The following ACER3 variants were observed in gnomAD, a reference collection of about 807,000 sequenced individuals.
The protein encoded by ACER3 is alkCDase 3.
In ACER3, 16 loss-of-function variants were observed where a neutral mutation model predicts 48.9. The ratio of observed to expected loss-of-function variants is 0.33; its 90% CI spans 0.22 to 0.50. The LOEUF (loss-of-function observed/expected upper bound fraction) is 0.50. ACER3 is among the 20% of genes least tolerant of loss of function. The pLI is 0.98. For synonymous variants in ACER3, 109 were observed against 107.8 expected, an observed-to-expected ratio of 1.01 and a Z score of -0.07; for missense variants, 227 against 326.0, an observed-to-expected ratio of 0.70 and a Z score of 2.34.
chr11:76,955,694 A>C (rs1293667249), intron 2 of ACER3: 1 of 152,306 alleles, frequency 6.6e-6, no homozygotes, highest in African/African-American at 2.4e-5. Flanking sequence ...ATTAACTCCC[A>C]AAGGTCTCAC....
chr11:76,902,529 A>G (rs759877517), intron 1 of ACER3, among the ~76,000 whole-genome samples: 2 of 152,216 alleles, frequency 1.3e-5, no homozygotes, highest in East Asian at 1.9e-4. Context: ...ATGGTTGGCA[A>G]CCGCAGCTGC....
intron 6 of ACER3, among the ~76,000 whole-genome samples, chr11:76,993,018 A>G (rs898271049): frequency 6.6e-6 from 1 of 151,950 alleles, no homozygotes; most frequent in Non-Finnish European, 1.5e-5. Flanking sequence ...ACAGGCACAC[A>G]CCACTACAAC....
At chr11:76,929,801 G>C (rs1398145807) in intron 2 of ACER3, among the ~76,000 whole-genome samples, 1 of 152,148 alleles carries the variant, frequency 6.6e-6, no homozygotes, top group Non-Finnish European at 1.5e-5. Context: ...AACCAGTCTT[G>C]CATCCCAGGG....
chr11:76,985,811 A>T (rs1448193552), intron 5 of ACER3, 87 bp downstream of exon 5: 1 of 713,772 alleles, frequency 1.4e-6, no homozygotes, highest in Non-Finnish European at 2.1e-6. Context: ...TATTTGCTTC[A>T]TGCTGTCAAA....
intron 7 of ACER3, among the ~76,000 whole-genome samples, chr11:77,011,528 G>T (rs192012902): frequency 2.6e-5 from 4 of 152,210 alleles, no homozygotes; most frequent in Admixed American, 2.0e-4. Flanking sequence ...TCAAATGGGG[G>T]CTATGATAAA....
intron 2 of ACER3, among the ~76,000 whole-genome samples, chr11:76,932,044 G>A (rs1947013933): frequency 6.6e-6 from 1 of 150,770 alleles, no homozygotes; most frequent in Admixed American, 6.6e-5. Flanking sequence ...AACCTCCCAG[G>A]TGCAAGCGAT....
intron 1 of ACER3, among the ~76,000 whole-genome samples, chr11:76,885,416 C>T (rs1945647189): frequency 6.6e-6 from 1 of 152,094 alleles, no homozygotes; most frequent in Non-Finnish European, 1.5e-5. Flanking sequence ...GCCCCGCATG[C>T]CTTAGGTATT....
chr11:76,951,685 G>A (rs144354909), intron 2 of ACER3, among the ~76,000 whole-genome samples: 157 of 152,286 alleles, frequency 1.0e-3, no homozygotes, highest in African/African-American at 3.7e-3. Context: ...AAAAAAATCA[G>A]CCATTCAGCA....
chr11:77,020,789 G>A lies in ACER3; in HGVS notation c.*462G>A, dbSNP rs1565232463. 1 of 158,646 alleles carries A rather than the reference G, an allele frequency of 6.3e-6. No individual in the cohort carries two copies. Among genetic ancestry groups the A allele is most frequent in the Non-Finnish European group, 1.4e-5 (1 of 72,136 alleles). 9.8% of individuals were successfully genotyped at this position (158,646 alleles called of 1,614,324 possible). The stretch of plus-strand genomic sequence containing the variant: ...TGTGAGCCAGCACTCAGCTGTGTCA[G>A]ATTTGATTAATATTGTATTAATCTC... On this transcript the variant is annotated 3_prime_UTR_variant, in exon 11 of 11. Coordinates refer to ENST00000532485, the MANE Select transcript of ACER3 (RefSeq NM_018367.7).
At chr11:76,967,090 A>C (rs1948158291) in intron 3 of ACER3, among the ~76,000 whole-genome samples, 1 of 152,160 alleles carries the variant, frequency 6.6e-6, no homozygotes, top group East Asian at 1.9e-4. Flanking sequence ...AAGAGAGAAG[A>C]ATCAAATAGA....
intron 2 of ACER3, among the ~76,000 whole-genome samples, chr11:76,944,305 T>G (rs2134940737): frequency 6.6e-6 from 1 of 152,172 alleles, no homozygotes. Context: ...GACTTATGAG[T>G]TTTATATTTT....
At chr11:76,929,883 G>A (rs912373518) in intron 2 of ACER3, among the ~76,000 whole-genome samples, 1 of 152,180 alleles carries the variant, frequency 6.6e-6, no homozygotes, top group African/African-American at 2.4e-5. Flanking sequence ...GTATTTTATT[G>A]AGGATTTTTA....
chr11:76,976,518 A>G (rs1308864041), intron 4 of ACER3, among the ~76,000 whole-genome samples, 177 bp downstream of exon 4: 4 of 152,178 alleles, frequency 2.6e-5, no homozygotes, highest in Admixed American at 2.6e-4. Context: ...AATGTTGTTT[A>G]TTAACTTTTG....
At chr11:76,868,263 G>A in intron 1 of ACER3, 1 of 1,287,658 alleles carries the variant, frequency 7.8e-7, no homozygotes, top group Non-Finnish European at 1.0e-6. Flanking sequence ...GAAGGTTATT[G>A]ACAGGCAAGC....
chr11:77,017,972 A>G (rs1949403484), intron 9 of ACER3, among the ~76,000 whole-genome samples: 2 of 107,580 alleles, frequency 1.9e-5, no homozygotes, highest in Non-Finnish European at 3.5e-5. Flanking sequence ...TGGGAGACAG[A>G]GTCTCCCCCA....
chr11:76,909,712 C>T (rs565413344), intron 1 of ACER3, among the ~76,000 whole-genome samples: 12 of 152,236 alleles, frequency 7.9e-5, no homozygotes, highest in African/African-American at 2.4e-4. Flanking sequence ...GACAGTGTGG[C>T]GATTCCTCAA....
At chr11:76,922,782 G>A (rs1244347454) in intron 1 of ACER3, among the ~76,000 whole-genome samples, 7 of 152,016 alleles carry the variant, frequency 4.6e-5, no homozygotes, top group East Asian at 1.9e-4. Context: ...TTCTTAACCC[G>A]CTTTTACTGT....
At chr11:76,949,565 T>C (rs1336084105) in intron 2 of ACER3, among the ~76,000 whole-genome samples, 6 of 152,156 alleles carry the variant, frequency 3.9e-5, no homozygotes. Flanking sequence ...TTAAATTATC[T>C]CCAGAATTTC....
At chr11:76,993,513 A>G (rs189993848) in intron 6 of ACER3, among the ~76,000 whole-genome samples, 1 of 152,336 alleles carries the variant, frequency 6.6e-6, no homozygotes, top group East Asian at 1.9e-4. Flanking sequence ...CAGTGGTAAT[A>G]TAGACAAGGG....
Sources: allele counts gnomAD v4.1 joint callset (sites outside exome capture counted in the v4.1 genomes callset), GRCh38; gene constraint gnomAD v4.1.1; transcripts MANE v1.5; gene names NCBI Gene and HGNC (gene_info 2026-07-23, HGNC 2026-07-21).